Variants in STAC observed in about 807,000 individuals in gnomAD.
The protein encoded by STAC is SH3 and cysteine rich domain.
In STAC, 43 loss-of-function variants were observed where a neutral mutation model predicts 48.8. The observed-to-expected ratio is 0.88, with a 90% CI of 0.69 to 1.14. The LOEUF (loss-of-function observed/expected upper bound fraction) is 1.14, where lower values mean the gene tolerates loss of function less well. Ranked by LOEUF, STAC falls within the 50% of genes most tolerant of loss-of-function variation. STAC has a pLI of 0.00. For missense variants in STAC, 497 were observed against 504.0 expected (o/e 0.99, Z 0.13); for synonymous variants, 193 against 179.5 (o/e 1.07, Z -0.60).
chr3:36,465,378 C>T (rs1342555424), intron 2 of STAC, among the ~76,000 whole-genome samples: 2 of 152,150 alleles, frequency 1.3e-5, no homozygotes, highest in South Asian at 2.1e-4. Flanking sequence ...TGGAGGTATA[C>T]ATTGTGAAGA....
intron 1 of STAC, among the ~76,000 whole-genome samples, chr3:36,388,367 A>G (rs901883759): frequency 3.9e-5 from 6 of 152,046 alleles, no homozygotes; most frequent in Non-Finnish European, 8.8e-5. Flanking sequence ...TGGTTTTAAA[A>G]AATTATTTAT....
At chr3:36,433,856 A>G (rs1426138992) in intron 1 of STAC, among the ~76,000 whole-genome samples, 26 of 152,222 alleles carry the variant, frequency 1.7e-4, no homozygotes, top group Non-Finnish European at 1.5e-5. Context: ...CTTTACCAAT[A>G]TAGTCATTAA....
At chr3:36,434,327 A>AT (rs1412146165) in intron 1 of STAC, among the ~76,000 whole-genome samples, 1 of 152,226 alleles carries the variant, frequency 6.6e-6, no homozygotes, top group Admixed American at 6.5e-5. Context: ...AATAGTGAGC[A>AT]TTTCAATGCT....
chr3:36,539,281 G>A (rs998342945), intron 10 of STAC, among the ~76,000 whole-genome samples: 2 of 152,082 alleles, frequency 1.3e-5, no homozygotes, highest in Non-Finnish European at 1.5e-5. Context: ...GGGTTTTGTT[G>A]TACAGATTAT....
intron 10 of STAC, among the ~76,000 whole-genome samples, chr3:36,544,478 G>A (rs912828271): frequency 6.8e-5 from 10 of 146,156 alleles, no homozygotes; most frequent in Non-Finnish European, 1.5e-4. Flanking sequence ...CCAGGTGTCT[G>A]CATTTATTTA....
intron 10 of STAC, among the ~76,000 whole-genome samples, chr3:36,530,000 A>C (rs773778637): frequency 1.3e-5 from 2 of 152,080 alleles, no homozygotes; most frequent in Non-Finnish European, 2.9e-5. Flanking sequence ...CACATCTGTA[A>C]TCCCAGCTAC....
chr3:36,529,086 C>A, intron 10 of STAC, 101 bp downstream of exon 10: 1 of 1,187,420 alleles, frequency 8.4e-7, no homozygotes, highest in Non-Finnish European at 1.1e-6. Flanking sequence ...GGGTCACATT[C>A]AAAGTATTCA....
At chr3:36,454,564 T>C (rs1285082346) in intron 2 of STAC, among the ~76,000 whole-genome samples, 1 of 152,132 alleles carries the variant, frequency 6.6e-6, no homozygotes, top group East Asian at 1.9e-4. Context: ...TATATGCTAA[T>C]CTTAGAAAGA....
At chr3:36,424,786 T>C (rs1025426488) in intron 1 of STAC, among the ~76,000 whole-genome samples, 6 of 152,024 alleles carry the variant, frequency 3.9e-5, no homozygotes, top group African/African-American at 1.4e-4. Context: ...CTGGGACAAT[T>C]TGAGCAACAA....
At chr3:36,533,490 T>G (rs1017604138) in intron 10 of STAC, among the ~76,000 whole-genome samples, 19 of 150,036 alleles carry the variant, frequency 1.3e-4, no homozygotes, top group Middle Eastern at 3.5e-3. Flanking sequence ...TTTTTTTTTT[T>G]TTTTTTTTTT....
At chr3:36,505,919 C>A in intron 8 of STAC, 85 bp downstream of exon 8, 1 of 843,428 alleles carries the variant, frequency 1.2e-6, no homozygotes, top group Non-Finnish European at 1.9e-6. Context: ...ATCTGTGCCC[C>A]TCCTAATGCT....
intron 8 of STAC, among the ~76,000 whole-genome samples, chr3:36,526,304 A>C (rs6810243): frequency 0.1 from 15,805 of 152,054 alleles, 1,058 homozygotes; most frequent in East Asian, 0.28. Context: ...TCCTCCCAAA[A>C]CAGAGGTGGA....
chr3:36,474,392 TATTTTA>T (rs1697434331), intron 2 of STAC, among the ~76,000 whole-genome samples: 1 of 152,230 alleles, frequency 6.6e-6, no homozygotes, highest in Admixed American at 6.5e-5. Flanking sequence ...TACATATACA[TATTTTA>T]ATTTTATCTT....
intron 2 of STAC, among the ~76,000 whole-genome samples, chr3:36,455,760 GGTGTGTGT>G (rs71085125): frequency 2.7e-5 from 4 of 149,168 alleles, no homozygotes; most frequent in African/African-American, 9.8e-5. Flanking sequence ...GAAACAGGCA[GGTGTGTGT>G]GTGTGTGTGT....
intron 2 of STAC, among the ~76,000 whole-genome samples, chr3:36,463,207 C>T (rs1350336030): frequency 6.6e-6 from 1 of 152,134 alleles, no homozygotes; most frequent in African/African-American, 2.4e-5. Flanking sequence ...TGTGCAACTT[C>T]ATAGAAGGGA....
chr3:36,485,418 G>T (rs1203407931), intron 4 of STAC, among the ~76,000 whole-genome samples: 1 of 152,102 alleles, frequency 6.6e-6, no homozygotes. Context: ...CAAGTTACTT[G>T]ACCTGTCAAC....
chr3:36,417,785 C>A (rs1700353498), intron 1 of STAC, among the ~76,000 whole-genome samples: 1 of 152,164 alleles, frequency 6.6e-6, no homozygotes, highest in Admixed American at 6.5e-5. Context: ...TTATGTGTTC[C>A]TTAACATTTT....
intron 3 of STAC, 51 bp downstream of exon 3, chr3:36,483,143 G>A: frequency 7.1e-7 from 1 of 1,403,210 alleles, no homozygotes; most frequent in East Asian, 2.3e-5. Context: ...TAGGGCACTT[G>A]CCTGCTGCAG....
At chr3:36,380,793 C>T (rs750168647) in intron 1 of STAC, 39 bp downstream of exon 1, 3 of 1,487,746 alleles carry the variant, frequency 2.0e-6, no homozygotes, top group Admixed American at 3.6e-5. Flanking sequence ...CACAAACTCA[C>T]TCTCCTCTCC....
Sources: allele counts gnomAD v4.1 joint callset (sites outside exome capture counted in the v4.1 genomes callset), GRCh38; gene constraint gnomAD v4.1.1; transcripts MANE v1.5; gene names NCBI Gene and HGNC (gene_info 2026-07-23, HGNC 2026-07-21).